GET1: variants seen among roughly 807,000 people sequenced by gnomAD.
GET1 encodes guided entry of tail-anchored proteins factor 1.
Under a neutral mutation model 22.6 loss-of-function variants are expected in GET1, and 20 were observed. That is an observed-to-expected ratio of 0.89 (90% CI 0.62 to 1.29). GET1 has a LOEUF of 1.29. GET1 is among the 50% of genes most tolerant of loss of function. GET1 has a pLI of 0.00. For missense variants in GET1, 209 were observed against 219.9 expected, an observed-to-expected ratio of 0.95 and a Z score of 0.31; for synonymous variants, 92 against 83.8, an observed-to-expected ratio of 1.10 and a Z score of -0.53.
chr21:39,403,095 T>C (rs1332814967), intron 4 of GET1, among the ~76,000 whole-genome samples: 1 of 152,218 alleles, frequency 6.6e-6, no homozygotes, highest in Non-Finnish European at 1.5e-5. Context: ...CACTGTCATG[T>C]TACTCAGCAT....
exon 2 of GET1, chr21:39,428,455 C>T (rs2075141800): frequency 6.2e-7 from 1 of 1,610,642 alleles, no homozygotes; most frequent in African/African-American, 1.3e-5. Context: ...CGAAGAAATG[C>T]TCATCTATAT....
intron 1 of GET1, chr21:39,423,316 T>C: frequency 6.2e-7 from 1 of 1,611,660 alleles, no homozygotes; most frequent in Non-Finnish European, 8.5e-7. Flanking sequence ...AAGGATGGCT[T>C]CCAATTTATG....
intron 1 of GET1, chr21:39,420,702 ATACCT>A: frequency 6.2e-7 from 1 of 1,607,232 alleles, no homozygotes; most frequent in Non-Finnish European, 8.5e-7. Context: ...TTTAAAAGAA[ATACCT>A]TAAGTTTTTG....
intron 1 of GET1, among the ~76,000 whole-genome samples, chr21:39,413,342 A>G (rs2040441024): frequency 6.6e-6 from 1 of 152,234 alleles, no homozygotes; most frequent in Admixed American, 6.5e-5. Context: ...ACAACCTAGC[A>G]TAAGACTGTT....
chr21:39,392,742 C>T (rs1341895679), intron 3 of GET1, among the ~76,000 whole-genome samples: 2 of 152,144 alleles, frequency 1.3e-5, no homozygotes, highest in African/African-American at 2.4e-5. Flanking sequence ...GGATGGCTTT[C>T]GTCACTAATA....
chr21:39,390,599 A>T, intron 1 of GET1, 99 bp from the exon 2 acceptor site: 1 of 1,488,080 alleles, frequency 6.7e-7, no homozygotes, highest in Non-Finnish European at 9.0e-7. Context: ...TGGCTGGGTC[A>T]CAGAGTGGTC....
intron 1 of GET1, chr21:39,428,138 A>C (rs1298486661): frequency 8.1e-7 from 1 of 1,230,688 alleles, no homozygotes; most frequent in East Asian, 2.3e-5. Flanking sequence ...TTATGACAGA[A>C]ATTTGGTCTT....
chr21:39,414,740 C>CTGTGTGTGTG lies in GET1; in HGVS notation c.*23+3804_*23+3805insGTGTGTGTGT, dbSNP rs796818060. Reference sequence around the variant, plus strand: ...TCTCTCTCTCTCTCTCTCTCTCTCTCTCTGTGTGTGTGTGTGTGTGTGTGT... The same window carrying CTGTGTGTGTG: ...TCTCTCTCTCTCTCTCTCTCTCTCTCTGTGTGTGTGTCTGTGTGTGTGTGTGTGTGTGTGT... On this transcript the variant is annotated intron_variant, in intron 1 of 1. Coordinates refer to the GET1 transcript ENST00000478273. 5.7e-3 allele frequency among the ~76,000 whole-genome samples: 589 copies of CTGTGTGTGTG among 104,056 alleles called. 2 individuals carry two copies. The highest frequency in any genetic ancestry group is 0.016 in the Middle Eastern group (3 of 186). 68.3% of individuals were successfully genotyped at this position (104,056 alleles called of 152,430 possible).
At position 39,380,338 on chromosome 21, in the gene GET1, C is replaced by G; in HGVS notation, c.-47C>G. 1.3e-6 allele frequency: 2 copies of G among 1,557,870 alleles called. No individual in the cohort carries two copies. Among genetic ancestry groups the G allele is most frequent in the Non-Finnish European group, 1.7e-6 (2 of 1,150,808 alleles). ...CGCGGTCGCCGCTGTTGTTGTGGTC[C>G]CCATGGAGCTGCCGTAGCGGACCCA... On this transcript the variant is annotated 5_prime_UTR_variant, in exon 1 of 5. Coordinates refer to ENST00000649170, the MANE Select transcript of GET1 (RefSeq NM_004627.6).
chr21:39,380,935 G>GGGGGGA, intron 1 of GET1: 5 of 187,976 alleles, frequency 2.7e-5, no homozygotes, highest in Non-Finnish European at 2.9e-5. Context: ...GGTAGGGTGG[G>GGGGGGA]AGACAGGTGT....
At chr21:39,387,208 C>T (rs1238251908) in intron 1 of GET1, among the ~76,000 whole-genome samples, 1 of 152,066 alleles carries the variant, frequency 6.6e-6, no homozygotes, top group Non-Finnish European at 1.5e-5. Context: ...TTTCAAGCAC[C>T]AGTTGTTTTT....
At chr21:39,384,085 G>A (rs1229039513) in intron 1 of GET1, among the ~76,000 whole-genome samples, 1 of 151,264 alleles carries the variant, frequency 6.6e-6, no homozygotes, top group African/African-American at 2.4e-5. Context: ...GACGTAAGGT[G>A]GTGTCTCATT....
chr21:39,390,386 A>C (rs979560759), intron 1 of GET1, among the ~76,000 whole-genome samples: 2 of 152,108 alleles, frequency 1.3e-5, no homozygotes, highest in African/African-American at 4.8e-5. Context: ...AGGGACATTT[A>C]CCTAGGGCTG....
rs1464601997 is a variant in GET1 at position 39,414,732 on chromosome 21, C to CTGTG, written c.*23+3796_*23+3797insGTGT. Reference sequence around the variant, plus strand: ...TCTCTCCCTCTCTCTCTCTCTCTCTCTCTCTCTCTCTGTGTGTGTGTGTGT... The same window carrying CTGTG: ...TCTCTCCCTCTCTCTCTCTCTCTCTCTGTGTCTCTCTCTCTGTGTGTGTGTGTGT... On this transcript the variant is annotated intron_variant, in intron 1 of 1. Transcript: ENST00000478273. Among the ~76,000 whole-genome samples, 13 of 110,392 alleles carry CTGTG rather than the reference C, an allele frequency of 1.2e-4. 1 individual carries two copies. The highest frequency in any genetic ancestry group is 2.0e-4 in the African/African-American group (5 of 25,494). 72.4% of individuals were successfully genotyped at this position (110,392 alleles called of 152,430 possible).
At chr21:39,396,146 A>G (rs2038627947) in intron 4 of GET1, among the ~76,000 whole-genome samples, 1 of 152,192 alleles carries the variant, frequency 6.6e-6, no homozygotes, top group South Asian at 2.1e-4. Context: ...CTGTAATCCC[A>G]GCACTTTTGG....
At chr21:39,399,911 ATTT>A (rs36083258), downstream of GET1, among the ~76,000 whole-genome samples, 3 of 144,532 alleles carry the variant, frequency 2.1e-5, no homozygotes. Context: ...TCTTTTTTTA[ATTT>A]TTTTTTTTTT....
chr21:39,421,621 C>T (rs1224466451), intron 1 of GET1: 1 of 152,158 alleles, frequency 6.6e-6, no homozygotes, highest in Non-Finnish European at 1.5e-5. Context: ...CTGGACTTGA[C>T]AGAAAGCTTA....
At chr21:39,385,411 G>C (rs778801215) in intron 1 of GET1, among the ~76,000 whole-genome samples, 1 of 152,148 alleles carries the variant, frequency 6.6e-6, no homozygotes, top group Non-Finnish European at 1.5e-5. Flanking sequence ...TGTCCGCTGC[G>C]GTGGGGGTGG....
downstream of GET1, among the ~76,000 whole-genome samples, chr21:39,401,240 G>A (rs1176187171): frequency 3.9e-5 from 6 of 152,094 alleles, no homozygotes; most frequent in East Asian, 1.2e-3. Context: ...GTAGAGACGG[G>A]GTCTTGCTAT....
Sources: gnomAD v4.1 joint callset for allele counts (sites outside exome capture counted in the v4.1 genomes callset) on GRCh38, gnomAD v4.1.1 for gene constraint, MANE v1.5 for transcripts, NCBI Gene and HGNC (gene_info 2026-07-23, HGNC 2026-07-21) for gene names.